The following C4orf33 variants were observed in gnomAD, a reference collection of about 807,000 sequenced individuals.
C4orf33 encodes chromosome 4 open reading frame 33.
Under a neutral mutation model 24.3 loss-of-function variants are expected in C4orf33, and 20 were observed. The ratio of observed to expected loss-of-function variants is 0.82; its 90% CI spans 0.58 to 1.19. C4orf33 has a LOEUF of 1.19. Among genes scored for constraint, C4orf33 ranks in the 50% most tolerant of loss-of-function variants. The pLI is 0.00. For missense variants in C4orf33, 207 were observed against 225.9 expected (o/e 0.92, Z 0.54); for synonymous variants, 67 against 76.4 (o/e 0.88, Z 0.64).
At chr4:129,095,886 TAAATG>T (rs1455686442), upstream of C4orf33, among the ~76,000 whole-genome samples, 1 of 152,212 alleles carries the variant, frequency 6.6e-6, no homozygotes, top group African/African-American at 2.4e-5. Context: ...TTAGTTGTAT[TAAATG>T]AAATATTTCT....
chr4:129,115,343 T>G lies in C4orf33; in HGVS notation c.*3552T>G, dbSNP rs1373975456. 6.6e-6 allele frequency: 1 copy of G among 152,188 alleles called. No homozygotes were observed. Among genetic ancestry groups the G allele is most frequent in the Non-Finnish European group, 1.5e-5 (1 of 68,042 alleles). 9.4% of individuals were successfully genotyped at this position (152,188 alleles called of 1,614,324 possible). On this transcript the variant is annotated 3_prime_UTR_variant, in exon 6 of 6. Coordinates refer to ENST00000425929, the MANE Select transcript of C4orf33 (RefSeq NM_001099783.2). ...TTACTCTTTGATAGCACTTTACCTC[T>G]TTTGTCCCATGTATCTCTAGATTTC... is the stretch of plus-strand genomic sequence containing the variant.
chr4:129,093,813 C>G (rs1405065945), upstream of C4orf33: 1 of 153,014 alleles, frequency 6.5e-6, no homozygotes, highest in African/African-American at 2.4e-5. Flanking sequence ...AACAAACAAA[C>G]AAAAAACCAA....
chr4:129,100,382 G>A (rs1333865957), intron 1 of C4orf33, among the ~76,000 whole-genome samples: 2 of 145,872 alleles, frequency 1.4e-5, no homozygotes, highest in African/African-American at 5.0e-5. Flanking sequence ...TGCATTTTAT[G>A]TGTGGCCCAA....
chr4:129,102,546 C>A, intron 1 of C4orf33, 56 bp from the exon 2 acceptor site: 1 of 1,336,130 alleles, frequency 7.5e-7, no homozygotes, highest in Non-Finnish European at 1.0e-6. Flanking sequence ...TCATTTCCAA[C>A]TAAAGAAAAC....
chr4:129,115,838 T>C lies in C4orf33; in HGVS notation c.*4047T>C, dbSNP rs1753769658. On this transcript the variant is annotated 3_prime_UTR_variant, in exon 6 of 6. Coordinates refer to ENST00000425929, the MANE Select transcript of C4orf33 (RefSeq NM_001099783.2). ...TATATATATATATATATAAAATATA[T>C]ATGTTTATATATAACATATATATAT... 7.0e-6 allele frequency: 1 copy of C among 142,088 alleles called. No individual in the cohort carries two copies. The highest frequency in any genetic ancestry group is 1.5e-5 in the Non-Finnish European group (1 of 65,358). 8.8% of individuals were successfully genotyped at this position (142,088 alleles called of 1,614,324 possible).
chr4:129,096,470 G>A (rs1753210974), intron 1 of C4orf33, among the ~76,000 whole-genome samples: 1 of 152,210 alleles, frequency 6.6e-6, no homozygotes, highest in Non-Finnish European at 1.5e-5. Flanking sequence ...GTTGAGCAGA[G>A]GAATTTGGAA....
chr4:129,104,291 G>A (rs1052922521), intron 2 of C4orf33, among the ~76,000 whole-genome samples: 48 of 152,154 alleles, frequency 3.2e-4, no homozygotes, highest in African/African-American at 1.1e-3. Flanking sequence ...CAAAAGTTAG[G>A]CTTTCATCAT....
intron 3 of C4orf33, among the ~76,000 whole-genome samples, chr4:129,107,373 A>G (rs1753549726): frequency 6.6e-6 from 1 of 151,992 alleles, no homozygotes; most frequent in African/African-American, 2.4e-5. Flanking sequence ...TTTAAAATTA[A>G]TAAAGTATTT....
At position 129,115,950 on chromosome 4, in the gene C4orf33, ATTTCT is replaced by A. The variant is rs1361953249; in HGVS notation, c.*4161_*4165del. On this transcript the variant is annotated 3_prime_UTR_variant, in exon 6 of 6. Transcript: ENST00000425929. The stretch of plus-strand genomic sequence containing the variant: ...CCTGGGCCCTACTCATTTTCTGATA[ATTTCT>A]TATCTTAATTTGCTCTGAAAGAGCA... 1.3e-5 allele frequency: 2 copies of A among 150,536 alleles called. No homozygotes were observed. The highest frequency in any genetic ancestry group is 2.4e-5 in the African/African-American group (1 of 41,186). 9.3% of individuals were successfully genotyped at this position (150,536 alleles called of 1,614,324 possible).
intron 2 of C4orf33, among the ~76,000 whole-genome samples, chr4:129,105,730 G>A (rs1010001947): frequency 2.6e-5 from 4 of 152,134 alleles, no homozygotes. Flanking sequence ...GACCAAAGGG[G>A]AAGAAAAGGA....
chr4:129,104,430 T>C (rs2125801657), intron 2 of C4orf33, among the ~76,000 whole-genome samples: 1 of 152,284 alleles, frequency 6.6e-6, no homozygotes, highest in Non-Finnish European at 1.5e-5. Flanking sequence ...CTAAAAACCT[T>C]CTCAGGATCC....
At chr4:129,094,386 G>T (rs951553302), upstream of C4orf33, among the ~76,000 whole-genome samples, 1 of 152,060 alleles carries the variant, frequency 6.6e-6, no homozygotes. Context: ...CACTAGTTTT[G>T]TGCTTTTAAT....
At chr4:129,102,403 T>C (rs929818189) in intron 1 of C4orf33, among the ~76,000 whole-genome samples, 199 bp from the exon 2 acceptor site, 2 of 152,216 alleles carry the variant, frequency 1.3e-5, no homozygotes, top group African/African-American at 4.8e-5. Flanking sequence ...CTCTAGGAAC[T>C]AGTTACCTAT....
chr4:129,107,622 T>C (rs969566023), intron 3 of C4orf33, among the ~76,000 whole-genome samples: 3 of 152,056 alleles, frequency 2.0e-5, no homozygotes, highest in East Asian at 1.9e-4. Context: ...AGTAATCATA[T>C]ACCTTTGTGT....
At chr4:129,110,408 C>T (rs1753661728) in intron 5 of C4orf33, among the ~76,000 whole-genome samples, 1 of 152,214 alleles carries the variant, frequency 6.6e-6, no homozygotes, top group Admixed American at 6.5e-5. Context: ...CATAGGCAGA[C>T]TAGAGCTCCT....
chr4:129,097,649 C>T (rs1039257326), intron 1 of C4orf33, among the ~76,000 whole-genome samples: 1 of 152,158 alleles, frequency 6.6e-6, no homozygotes, highest in Non-Finnish European at 1.5e-5. Flanking sequence ...ATATCCTCAA[C>T]GCTTATGTCA....
At chr4:129,098,752 G>A (rs1753271716) in intron 1 of C4orf33, among the ~76,000 whole-genome samples, 1 of 152,212 alleles carries the variant, frequency 6.6e-6, no homozygotes, top group Non-Finnish European at 1.5e-5. Flanking sequence ...TGCTAAATAA[G>A]GGGTGGGTTA....
rs1753531211 is a variant in C4orf33 at position 129,106,724 on chromosome 4, A to G, written c.242+77A>G. ...ATTTTCTAGTTATAAATGATATAGT[A>G]AAAGCTCATTAATTCCAGAGTAAGA... On this transcript the variant is annotated intron_variant, in intron 3 of 5. Coordinates refer to ENST00000425929, the MANE Select transcript of C4orf33 (RefSeq NM_001099783.2). 6 of 735,034 alleles carry G rather than the reference A, an allele frequency of 8.2e-6. No homozygotes were observed. The South Asian group carries it at 9.5e-5, about 12-fold the overall frequency. The allele number at this position is 735,034 out of a possible 1,614,324, so 45.5% of individuals were successfully genotyped here. A position where few individuals can be genotyped will look rare whatever the true frequency, so the allele number is the denominator to read the frequency against.
chr4:129,102,806 T>G lies in C4orf33; in HGVS notation c.181+15T>G, dbSNP rs1427925448. On this transcript the variant is annotated intron_variant, in intron 2 of 5. Transcript: ENST00000425929. ...GGATTATGAAGGTAAGTGGAAGTAC[T>G]GTATTTTATTGCAAACATAAATCTT... 1.3e-6 allele frequency: 2 copies of G among 1,589,442 alleles called. No individual in the cohort carries two copies. Among genetic ancestry groups the G allele is most frequent in the Non-Finnish European group, 1.7e-6 (2 of 1,168,476 alleles).
Sources: allele counts gnomAD v4.1 joint callset (sites outside exome capture counted in the v4.1 genomes callset), GRCh38; gene constraint gnomAD v4.1.1; transcripts MANE v1.5; gene names NCBI Gene and HGNC (gene_info 2026-07-23, HGNC 2026-07-21).